Variants in SHISA6 observed in about 807,000 individuals in gnomAD.
SHISA6 encodes shisa family member 6, also known as protein shisa-6.
In SHISA6, 22 loss-of-function variants were observed where a neutral mutation model predicts 47.9. That is an observed-to-expected ratio of 0.46 (90% CI 0.33 to 0.66). The LOEUF is 0.66. Ranked by LOEUF, SHISA6 falls within the 30% of genes least tolerant of loss-of-function variation. SHISA6 has a pLI of 0.02. For missense variants in SHISA6, 680 were observed against 764.6 expected, an observed-to-expected ratio of 0.89 and a Z score of 1.30; for synonymous variants, 388 against 337.8, an observed-to-expected ratio of 1.15 and a Z score of -1.63.
intron 3 of SHISA6, among the ~76,000 whole-genome samples, chr17:11,488,937 G>A (rs1490733298): frequency 6.6e-6 from 1 of 152,108 alleles, no homozygotes; most frequent in African/African-American, 2.4e-5. Context: ...GGAGATGCTG[G>A]GGAAATGCTG....
At chr17:11,249,213 A>G (rs995826964) in intron 1 of SHISA6, among the ~76,000 whole-genome samples, 10 of 151,946 alleles carry the variant, frequency 6.6e-5, no homozygotes, top group Non-Finnish European at 1.0e-4. Context: ...GAAATGCTGA[A>G]TGCTGAGACC....
At chr17:11,444,322 T>C (rs1307130666) in intron 3 of SHISA6, among the ~76,000 whole-genome samples, 3 of 151,506 alleles carry the variant, frequency 2.0e-5, no homozygotes, top group Non-Finnish European at 4.4e-5. Flanking sequence ...CCATAAAAAA[T>C]AAAAGTAAAA....
chr17:11,345,996 A>G (rs538555288), intron 2 of SHISA6, among the ~76,000 whole-genome samples: 1 of 152,256 alleles, frequency 6.6e-6, no homozygotes, highest in African/African-American at 2.4e-5. Context: ...CCAGTACAAT[A>G]AAAGTTGTGA....
At chr17:11,527,259 G>A (rs2071694915) in intron 3 of SHISA6, among the ~76,000 whole-genome samples, 1 of 152,068 alleles carries the variant, frequency 6.6e-6, no homozygotes, top group African/African-American at 2.4e-5. Flanking sequence ...TGCCCCGTGA[G>A]GAGAACCATT....
chr17:11,390,418 T>C (rs1375285610), intron 3 of SHISA6, among the ~76,000 whole-genome samples: 1 of 152,140 alleles, frequency 6.6e-6, no homozygotes, highest in Non-Finnish European at 1.5e-5. Context: ...TTAAGAGCGC[T>C]GTAGAATCTT....
intron 3 of SHISA6, among the ~76,000 whole-genome samples, chr17:11,475,620 G>C (rs944478646): frequency 6.6e-6 from 1 of 151,926 alleles, no homozygotes; most frequent in Non-Finnish European, 1.5e-5. Context: ...TGCATACCTG[G>C]GGTATATCCC....
At chr17:11,491,203 A>G (rs1916467585) in intron 3 of SHISA6, among the ~76,000 whole-genome samples, 1 of 152,178 alleles carries the variant, frequency 6.6e-6, no homozygotes, top group Admixed American at 6.5e-5. Context: ...GGGGAGTCAT[A>G]TTGTCAACAG....
At chr17:11,410,398 G>T (rs1454421197) in intron 3 of SHISA6, among the ~76,000 whole-genome samples, 2 of 152,086 alleles carry the variant, frequency 1.3e-5, no homozygotes, top group East Asian at 1.9e-4. Flanking sequence ...TGAACTTCTG[G>T]GTGCAGATGA....
intron 3 of SHISA6, among the ~76,000 whole-genome samples, chr17:11,426,780 G>A (rs757109414): frequency 7.2e-5 from 11 of 152,210 alleles, no homozygotes; most frequent in Non-Finnish European, 1.5e-4. Context: ...TGGAAGTTGC[G>A]GGGAGGGTAC....
At chr17:11,424,162 T>C (rs575458297) in intron 3 of SHISA6, among the ~76,000 whole-genome samples, 3 of 152,276 alleles carry the variant, frequency 2.0e-5, no homozygotes, top group South Asian at 2.1e-4. Context: ...GTTTTCAACA[T>C]TGATGAATGA....
intron 3 of SHISA6, among the ~76,000 whole-genome samples, chr17:11,447,328 T>C (rs1435556443): frequency 6.6e-6 from 1 of 152,136 alleles, no homozygotes; most frequent in Non-Finnish European, 1.5e-5. Flanking sequence ...ATTCACCCAA[T>C]GTGAGGCTAT....
At chr17:11,539,780 G>T (rs2142377898) in intron 3 of SHISA6, among the ~76,000 whole-genome samples, 1 of 152,318 alleles carries the variant, frequency 6.6e-6, no homozygotes, top group East Asian at 1.9e-4. Flanking sequence ...TGAGTCCTGA[G>T]CGCTAATTGT....
intron 3 of SHISA6, among the ~76,000 whole-genome samples, chr17:11,394,352 C>A (rs1233167150): frequency 1.3e-5 from 2 of 152,160 alleles, no homozygotes; most frequent in Non-Finnish European, 2.9e-5. Flanking sequence ...AGATATTTTT[C>A]ATTTCTAATA....
At chr17:11,275,260 A>G (rs780796470) in intron 2 of SHISA6, among the ~76,000 whole-genome samples, 14 of 151,658 alleles carry the variant, frequency 9.2e-5, no homozygotes, top group Non-Finnish European at 1.9e-4. Flanking sequence ...CAGTTGTTCT[A>G]ATGGCGTGGG....
At chr17:11,263,152 A>G (rs1177695817) in intron 1 of SHISA6, among the ~76,000 whole-genome samples, 1 of 152,218 alleles carries the variant, frequency 6.6e-6, no homozygotes, top group Non-Finnish European at 1.5e-5. Context: ...CCGTAGTCCC[A>G]GCCTTTTAGT....
intron 3 of SHISA6, among the ~76,000 whole-genome samples, chr17:11,544,187 G>A (rs567079284): frequency 1.9e-4 from 29 of 152,070 alleles, no homozygotes; most frequent in African/African-American, 6.5e-4. Context: ...GATACCAGAA[G>A]CACAATGTAT....
chr17:11,319,670 G>A (rs1910646689), intron 2 of SHISA6, among the ~76,000 whole-genome samples: 2 of 152,188 alleles, frequency 1.3e-5, no homozygotes, highest in Admixed American at 6.5e-5. Flanking sequence ...TGATAACATA[G>A]TAGCTTTATG....
At chr17:11,407,366 A>G (rs1913994664) in intron 3 of SHISA6, among the ~76,000 whole-genome samples, 1 of 152,066 alleles carries the variant, frequency 6.6e-6, no homozygotes, top group Non-Finnish European at 1.5e-5. Flanking sequence ...ATGCTGCCCT[A>G]GTGAATGGGC....
At chr17:11,523,343 TC>T (rs1422816440) in intron 3 of SHISA6, among the ~76,000 whole-genome samples, 1 of 152,104 alleles carries the variant, frequency 6.6e-6, no homozygotes, top group Non-Finnish European at 1.5e-5. Context: ...AGGATTAGAG[TC>T]TGCAAAAGGA....
Sources: allele counts gnomAD v4.1 joint callset (sites outside exome capture counted in the v4.1 genomes callset), GRCh38; gene constraint gnomAD v4.1.1; transcripts MANE v1.5; gene names NCBI Gene and HGNC (gene_info 2026-07-23, HGNC 2026-07-21).